The following CA10 variants were observed in gnomAD, a reference collection of about 807,000 sequenced individuals.
CA10 encodes the protein carbonic anhydrase-related protein 10.
In CA10, 14 loss-of-function variants were observed where a neutral mutation model predicts 44.2. The ratio of observed to expected loss-of-function variants is 0.32; its 90% confidence interval spans 0.21 to 0.50. The LOEUF (loss-of-function observed/expected upper bound fraction) is 0.50. Among genes scored for constraint, CA10 ranks in the 20% least tolerant of loss-of-function variants. CA10 has a pLI of 0.99. For missense variants in CA10, 350 were observed against 409.7 expected, an observed-to-expected ratio of 0.85 and a Z score of 1.26; for synonymous variants, 159 against 141.6, an observed-to-expected ratio of 1.12 and a Z score of -0.87.
intron 4 of CA10, among the ~76,000 whole-genome samples, chr17:51,723,136 G>A (rs1916403248): frequency 6.6e-6 from 1 of 152,144 alleles, no homozygotes; most frequent in Non-Finnish European, 1.5e-5. Context: ...CCCATGTGTG[G>A]GACTGGACCA....
intron 2 of CA10, among the ~76,000 whole-genome samples, chr17:51,938,670 T>C (rs1363667518): frequency 6.6e-6 from 1 of 152,062 alleles, no homozygotes; most frequent in African/African-American, 2.4e-5. Flanking sequence ...CTGTTTGTAC[T>C]TGGTTCCAAG....
rs553697501 is a variant in CA10, at chr17:51,977,327, T to TA, written c.137-46196dup. The stretch of plus-strand genomic sequence containing the variant: ...AACAAAACCCAATAACACATTTTTT[T>TA]AAAAAAAGGTTCTATATAATGACTA... On this transcript the variant is annotated intron_variant, in intron 2 of 8. Coordinates refer to ENST00000451037, the MANE Select transcript of CA10 (RefSeq NM_020178.5). Among the ~76,000 whole-genome samples the TA allele has an allele frequency of 2.7e-3, 408 of 151,692 alleles. 6 individuals carry two copies. The highest frequency in any genetic ancestry group is 1.7e-3 in the Non-Finnish European group (112 of 67,796).
At chr17:51,760,530 A>T (rs1200058707) in intron 3 of CA10, among the ~76,000 whole-genome samples, 1 of 152,216 alleles carries the variant, frequency 6.6e-6, no homozygotes, top group African/African-American at 2.4e-5. Context: ...TATTCAGGAC[A>T]CTGGGAGATG....
At chr17:51,810,157 A>G (rs1907302222) in intron 3 of CA10, among the ~76,000 whole-genome samples, 1 of 152,220 alleles carries the variant, frequency 6.6e-6, no homozygotes. Flanking sequence ...AATATTGATC[A>G]ACATTGGTTA....
intron 3 of CA10, among the ~76,000 whole-genome samples, chr17:51,826,096 C>T (rs1907999925): frequency 1.3e-5 from 2 of 152,210 alleles, no homozygotes; most frequent in Admixed American, 1.3e-4. Context: ...AGTAGAATGG[C>T]CTTTCAGCTC....
At chr17:51,987,465 T>A (rs970366446) in intron 2 of CA10, among the ~76,000 whole-genome samples, 11 of 151,766 alleles carry the variant, frequency 7.2e-5, no homozygotes, top group African/African-American at 2.7e-4. Flanking sequence ...ATCTCACAAA[T>A]CACCACTAAA....
chr17:51,984,185 G>A (rs1984748831), intron 2 of CA10, among the ~76,000 whole-genome samples: 3 of 151,364 alleles, frequency 2.0e-5, no homozygotes, highest in Admixed American at 6.6e-5. Context: ...TAGTATGATG[G>A]GAAAAGAGAT....
intron 3 of CA10, among the ~76,000 whole-genome samples, chr17:51,791,344 G>T (rs741683): frequency 0.74 from 113,007 of 152,084 alleles, 42,298 homozygotes; most frequent in East Asian, 0.85. Flanking sequence ...AACAAGGAAT[G>T]CTCATATTTC....
At chr17:51,636,469 C>G (rs2143214990) in intron 6 of CA10, among the ~76,000 whole-genome samples, 1 of 152,264 alleles carries the variant, frequency 6.6e-6, no homozygotes. Flanking sequence ...ATGGTTAAGG[C>G]TGATGTTGGG....
intron 3 of CA10, among the ~76,000 whole-genome samples, chr17:51,860,955 A>T (rs1979276859): frequency 6.6e-6 from 1 of 152,126 alleles, no homozygotes; most frequent in African/African-American, 2.4e-5. Context: ...CTGACCTCCT[A>T]TGAAGCCAAG....
intron 4 of CA10, among the ~76,000 whole-genome samples, chr17:51,679,258 CTT>C (rs1317485524): frequency 1.5e-5 from 2 of 137,040 alleles, no homozygotes; most frequent in African/African-American, 5.5e-5. Flanking sequence ...GACTGTTTTT[CTT>C]TCTCTTTTTT....
At chr17:51,907,214 G>A (rs11870328) in intron 3 of CA10, among the ~76,000 whole-genome samples, 2,723 of 152,112 alleles carry the variant, frequency 0.018, 44 homozygotes, top group South Asian at 0.06. Context: ...TATGGAATGT[G>A]CCAAGTCTGT....
At chr17:52,063,377 T>A (rs1987443553) in intron 2 of CA10, among the ~76,000 whole-genome samples, 1 of 152,134 alleles carries the variant, frequency 6.6e-6, no homozygotes, top group African/African-American at 2.4e-5. Context: ...TTTTGCAATG[T>A]GAGAAGGATG....
At chr17:51,746,233 G>C (rs901429144) in intron 4 of CA10, among the ~76,000 whole-genome samples, 2 of 152,184 alleles carry the variant, frequency 1.3e-5, no homozygotes, top group African/African-American at 4.8e-5. Context: ...ATGCCTCGGG[G>C]CTTTTGCTCG....
chr17:52,104,603 C>G (rs1988617388), intron 1 of CA10, among the ~76,000 whole-genome samples: 1 of 152,170 alleles, frequency 6.6e-6, no homozygotes, highest in Non-Finnish European at 1.5e-5. Context: ...ACCCCTAGAT[C>G]CAACCCTCTT....
At chr17:52,146,665 C>G (rs1174294069) in intron 1 of CA10, among the ~76,000 whole-genome samples, 1 of 149,524 alleles carries the variant, frequency 6.7e-6, no homozygotes, top group African/African-American at 2.5e-5. Context: ...AGCGAGACTC[C>G]GTCTCAAAAT....
At chr17:51,935,980 C>T (rs1982849325) in intron 2 of CA10, among the ~76,000 whole-genome samples, 1 of 152,132 alleles carries the variant, frequency 6.6e-6, no homozygotes, top group East Asian at 1.9e-4. Context: ...AGGCATCTTC[C>T]TTATTCATTT....
intron 2 of CA10, among the ~76,000 whole-genome samples, chr17:51,968,887 G>A (rs1175917598): frequency 6.6e-6 from 1 of 151,826 alleles, no homozygotes; most frequent in Non-Finnish European, 1.5e-5. Flanking sequence ...AACCTATAAG[G>A]TGAACACAAT....
intron 4 of CA10, among the ~76,000 whole-genome samples, chr17:51,731,894 C>T (rs1039371548): frequency 1.3e-5 from 2 of 152,058 alleles, no homozygotes; most frequent in African/African-American, 4.8e-5. Context: ...AGGCTGGTCT[C>T]GAACTCCTGG....
Sources: allele counts gnomAD v4.1 joint callset (sites outside exome capture counted in the v4.1 genomes callset), GRCh38; gene constraint gnomAD v4.1.1; transcripts MANE v1.5; gene names NCBI Gene and HGNC (gene_info 2026-07-23, HGNC 2026-07-21).